The following ADGRB3 variants were observed in gnomAD, a reference collection of about 807,000 sequenced individuals.
The protein encoded by ADGRB3 is brain-specific angiogenesis inhibitor 3.
Under a neutral mutation model 193.4 loss-of-function variants are expected in ADGRB3, and 37 were observed. That is an observed-to-expected ratio of 0.19 (90% CI 0.15 to 0.25). ADGRB3 has a LOEUF of 0.25. Among genes scored for constraint, ADGRB3 ranks in the 10% least tolerant of loss-of-function variants. ADGRB3 has a pLI of 1.00. For synonymous variants in ADGRB3, 690 were observed against 644.2 expected, an observed-to-expected ratio of 1.07 and a Z score of -1.08; for missense variants, 1,637 against 1,852.9, an observed-to-expected ratio of 0.88 and a Z score of 2.14.
At chr6:68,856,657 C>A (rs1379741517) in intron 3 of ADGRB3, among the ~76,000 whole-genome samples, 1 of 152,058 alleles carries the variant, frequency 6.6e-6, no homozygotes, top group African/African-American at 2.4e-5. Context: ...TAAATGCATT[C>A]AGTTTTAAAA....
chr6:68,686,138 C>T (rs764297528), intron 3 of ADGRB3, among the ~76,000 whole-genome samples: 1 of 152,154 alleles, frequency 6.6e-6, no homozygotes, highest in Non-Finnish European at 1.5e-5. Context: ...GAAGATTTCC[C>T]ATCAAACTCT....
At chr6:69,026,311 G>A (rs7768288) in intron 13 of ADGRB3, among the ~76,000 whole-genome samples, 63 of 152,232 alleles carry the variant, frequency 4.1e-4, no homozygotes, top group Non-Finnish European at 6.5e-4. Flanking sequence ...TCTGCAAAGC[G>A]GTATTTGAAT....
chr6:68,818,453 A>G (rs1300827681), intron 3 of ADGRB3, among the ~76,000 whole-genome samples: 1 of 152,010 alleles, frequency 6.6e-6, no homozygotes, highest in Non-Finnish European at 1.5e-5. Context: ...GGTGTGATAT[A>G]TGAAAGCAAT....
chr6:68,917,180 T>C (rs1279771052), intron 3 of ADGRB3, among the ~76,000 whole-genome samples: 1 of 151,954 alleles, frequency 6.6e-6, no homozygotes, highest in African/African-American at 2.4e-5. Flanking sequence ...GGACATGGAG[T>C]TGGGAGAAAG....
chr6:69,001,431 A>G (rs2150279079), intron 11 of ADGRB3, among the ~76,000 whole-genome samples: 1 of 152,346 alleles, frequency 6.6e-6, no homozygotes, highest in East Asian at 1.9e-4. Flanking sequence ...AAACAGATTT[A>G]CTAAATATAA....
rs530279232 is a variant in ADGRB3, at chr6:68,831,654, GGTA to G, written c.758-98901_758-98899del. On this transcript the variant is annotated intron_variant, in intron 3 of 31. Transcript: ENST00000370598. ...CTCATCATCTGAGGTTGCCAGGAGAGGTAGTAAGAAAACCAGAATGGAGTGGAC... is the reference window on the plus strand; with the variant it reads ...CTCATCATCTGAGGTTGCCAGGAGAGGTAAGAAAACCAGAATGGAGTGGAC... Among the ~76,000 whole-genome samples, 82 of 152,132 alleles carry G rather than the reference GGTA, an allele frequency of 5.4e-4. No homozygotes were observed. In the East Asian group the frequency reaches 0.014, roughly 25 times the overall value.
chr6:69,361,137 T>C lies in ADGRB3; in HGVS notation c.3864T>C (p.Asn1288=), dbSNP rs766351619. Reference sequence around the variant, plus strand: ...CTGTGTACTTATGTACGGATGATAATTTGAGAGGGGCTGACATGGACATAG... The same window carrying C: ...CTGTGTACTTATGTACGGATGATAACTTGAGAGGGGCTGACATGGACATAG... The part of the protein sequence containing the change: ...RRTVYLCTDD[N]LRGADMDIVH... Residue 1288 remains asparagine, a synonymous_variant, in exon 29 of 32, where the codon AAT becomes AAC. Transcript: ENST00000370598. 2 of 1,612,844 alleles carry C rather than the reference T, an allele frequency of 1.2e-6. No homozygotes were observed. The highest frequency in any genetic ancestry group is 1.7e-6 in the Non-Finnish European group (2 of 1,179,274).
intron 17 of ADGRB3, among the ~76,000 whole-genome samples, chr6:69,158,343 A>C (rs1774900546): frequency 6.6e-6 from 1 of 151,930 alleles, no homozygotes; most frequent in African/African-American, 2.4e-5. Context: ...TCTCATAGCT[A>C]TGACTCCATA....
intron 3 of ADGRB3, among the ~76,000 whole-genome samples, chr6:68,745,179 G>GAATT (rs1479237313): frequency 6.6e-6 from 1 of 152,136 alleles, no homozygotes. Flanking sequence ...TAGCCAAGAG[G>GAATT]TAGAAGCAAC....
intron 3 of ADGRB3, among the ~76,000 whole-genome samples, chr6:68,869,747 G>A (rs982788104): frequency 7.4e-6 from 1 of 134,916 alleles, no homozygotes; most frequent in Non-Finnish European, 1.6e-5. Flanking sequence ...TGAATAAAAG[G>A]CAACATTCTT....
intron 3 of ADGRB3, among the ~76,000 whole-genome samples, chr6:68,826,183 T>TAA (rs937967236): frequency 6.6e-6 from 1 of 151,922 alleles, no homozygotes; most frequent in Non-Finnish European, 1.5e-5. Flanking sequence ...AGATAACAAT[T>TAA]AAAAGGAATA....
At chr6:68,857,537 T>G (rs1463797808) in intron 3 of ADGRB3, among the ~76,000 whole-genome samples, 1 of 152,220 alleles carries the variant, frequency 6.6e-6, no homozygotes, top group Non-Finnish European at 1.5e-5. Flanking sequence ...ATCCCTTTGT[T>G]TTGGCCAATG....
chr6:68,731,429 A>G (rs1266891843), intron 3 of ADGRB3, among the ~76,000 whole-genome samples: 1 of 151,680 alleles, frequency 6.6e-6, no homozygotes, highest in Non-Finnish European at 1.5e-5. Flanking sequence ...ATGAGTACAT[A>G]AAAAGTTACA....
At chr6:69,305,672 G>A (rs1768053968) in intron 20 of ADGRB3, among the ~76,000 whole-genome samples, 2 of 151,116 alleles carry the variant, frequency 1.3e-5, no homozygotes, top group Admixed American at 6.6e-5. Flanking sequence ...CCATGGTGAC[G>A]TTTGTGGAGC....
chr6:68,703,445 A>G (rs1003364131), intron 3 of ADGRB3, among the ~76,000 whole-genome samples: 1 of 152,088 alleles, frequency 6.6e-6, no homozygotes, highest in African/African-American at 2.4e-5. Flanking sequence ...ATTTAACTAT[A>G]TATATGTTTC....
chr6:68,957,909 C>A (rs9360368), intron 8 of ADGRB3, among the ~76,000 whole-genome samples: 7 of 151,738 alleles, frequency 4.6e-5, no homozygotes, highest in African/African-American at 7.3e-5. Flanking sequence ...TAAAAAAGAT[C>A]GAAAATTAGG....
At chr6:68,889,933 A>G (rs566188309) in intron 3 of ADGRB3, among the ~76,000 whole-genome samples, 1 of 152,340 alleles carries the variant, frequency 6.6e-6, no homozygotes, top group South Asian at 2.1e-4. Context: ...TTTTACATAT[A>G]TCATTATATA....
At chr6:68,657,075 C>G (rs368837984) in intron 3 of ADGRB3, among the ~76,000 whole-genome samples, 2 of 151,380 alleles carry the variant, frequency 1.3e-5, no homozygotes, top group Non-Finnish European at 3.0e-5. Context: ...AGATGAAGAT[C>G]AGAAATATAA....
intron 13 of ADGRB3, among the ~76,000 whole-genome samples, chr6:69,023,128 A>C (rs1315267758): frequency 6.6e-6 from 1 of 152,084 alleles, no homozygotes; most frequent in Admixed American, 6.5e-5. Flanking sequence ...CCCATTGACT[A>C]TGTTCAAGCA....
Sources: allele counts gnomAD v4.1 joint callset (sites outside exome capture counted in the v4.1 genomes callset), GRCh38; gene constraint gnomAD v4.1.1; transcripts MANE v1.5; gene names NCBI Gene and HGNC (gene_info 2026-07-23, HGNC 2026-07-21).